Variants in ACACA observed in about 807,000 individuals in gnomAD.
ACACA encodes the protein acetyl-CoA carboxylase 1.
A neutral mutation model predicts 296.1 loss-of-function variants in ACACA; 103 were observed. The observed-to-expected ratio is 0.35, with a 90% CI of 0.30 to 0.41. The LOEUF (loss-of-function observed/expected upper bound fraction) is 0.41, where lower values mean the gene tolerates loss of function less well. Among genes scored for constraint, ACACA ranks in the 10% least tolerant of loss-of-function variants. The probability of loss-of-function intolerance (pLI) is 1.00; values close to 1 mark genes in which losing one functional copy is unlikely to be tolerated. For missense variants in ACACA, 1,554 were observed against 2,989.7 expected (o/e 0.52, Z 11.20); for synonymous variants, 953 against 1,038.6 (o/e 0.92, Z 1.58).
rs1002253420 is a variant in ACACA at position 37,094,578 on chromosome 17, C to G, written c.6891+2418G>C. Among the ~76,000 whole-genome samples, 17 of 147,926 alleles carry G rather than the reference C, an allele frequency of 1.1e-4. 1 individual carries two copies. The highest frequency in any genetic ancestry group is 4.0e-4 in the East Asian group (2 of 4,952). On this transcript the variant is annotated intron_variant, in intron 54 of 55. Coordinates refer to ENST00000616317, the MANE Select transcript of ACACA (RefSeq NM_198834.3). ...TATCATTCTTTGAAGAACCACCCCCCCCCCCCCACACCAAACAGCAAGCAG... is the reference window on the plus strand; with the variant it reads ...TATCATTCTTTGAAGAACCACCCCCGCCCCCCCACACCAAACAGCAAGCAG...
intron 2 of ACACA, among the ~76,000 whole-genome samples, chr17:37,336,633 C>A (rs1391553912): frequency 1.3e-5 from 2 of 152,112 alleles, no homozygotes; most frequent in Non-Finnish European, 2.9e-5. Context: ...TGGGTCCCCT[C>A]CCTTTGTATG....
chr17:37,232,653 C>T (rs984493654), intron 25 of ACACA, among the ~76,000 whole-genome samples: 1 of 152,170 alleles, frequency 6.6e-6, no homozygotes, highest in Non-Finnish European at 1.5e-5. Flanking sequence ...TGAGCTTGAT[C>T]ATATCATTAA....
chr17:37,341,642 A>G (rs532265555), intron 1 of ACACA, among the ~76,000 whole-genome samples: 1 of 151,134 alleles, frequency 6.6e-6, no homozygotes, highest in East Asian at 1.9e-4. Flanking sequence ...GTGAGCCAAG[A>G]TCACCCCACT....
rs1227394597 is a variant in ACACA, at chr17:37,379,121, G to T, written c.38+27141C>A. On this transcript the variant is annotated intron_variant, in intron 1 of 55. Coordinates refer to ENST00000616317, the MANE Select transcript of ACACA (RefSeq NM_198834.3). ...AAAACCAGCTCCATTTTTCTATCTG[G>T]TTCTTCTCCTTCCAGAAACTCACAC... is the stretch of plus-strand genomic sequence containing the variant. 5 of 1,607,242 alleles carry T rather than the reference G, an allele frequency of 3.1e-6. No individual in the cohort carries two copies. In the African/African-American group the frequency reaches 5.4e-5, roughly 17 times the overall value.
intron 1 of ACACA, among the ~76,000 whole-genome samples, chr17:37,380,477 C>T (rs8066442): frequency 0.033 from 4,958 of 152,140 alleles, 256 homozygotes; most frequent in African/African-American, 0.11. Context: ...GGCAAATCTA[C>T]GTGCTCTCTG....
chr17:37,384,811 G>A (rs1160527058), intron 1 of ACACA, among the ~76,000 whole-genome samples: 2 of 152,280 alleles, frequency 1.3e-5, no homozygotes, highest in Non-Finnish European at 2.9e-5. Flanking sequence ...CATGTACAGT[G>A]CCTGGTACTA....
intron 11 of ACACA, among the ~76,000 whole-genome samples, chr17:37,263,105 T>A (rs761183706): frequency 6.6e-6 from 1 of 152,152 alleles, no homozygotes. Flanking sequence ...ACATAGGAAA[T>A]AGACCTCTAA....
At chr17:37,342,978 T>C (rs988520399) in intron 1 of ACACA, among the ~76,000 whole-genome samples, 6 of 151,402 alleles carry the variant, frequency 4.0e-5, no homozygotes, top group Admixed American at 2.6e-4. Context: ...ATTCAGAAAT[T>C]TTTTTTTTCT....
rs55820028 is a variant in ACACA at position 37,123,309 on chromosome 17, A to G, written c.6042-682T>C. On this transcript the variant is annotated intron_variant, in intron 48 of 55. Coordinates refer to ENST00000616317, the MANE Select transcript of ACACA (RefSeq NM_198834.3). ...TTTAGTAGTAATGCTGGTGAAGTCTATATTAGAATTATATATTTAATCTCA... is the reference window on the plus strand; with the variant it reads ...TTTAGTAGTAATGCTGGTGAAGTCTGTATTAGAATTATATATTTAATCTCA... Among the ~76,000 whole-genome samples the G allele has an allele frequency of 1.1e-3, 171 of 152,334 alleles. 1 individual carries two copies. The highest frequency in any genetic ancestry group is 4.0e-3 in the African/African-American group (168 of 41,580).
chr17:37,101,744 G>A (rs1222126288), intron 52 of ACACA, among the ~76,000 whole-genome samples: 1 of 152,202 alleles, frequency 6.6e-6, no homozygotes, highest in Non-Finnish European at 1.5e-5. Flanking sequence ...GTCTCCAATA[G>A]TTCCCATTCA....
intron 29 of ACACA, among the ~76,000 whole-genome samples, chr17:37,211,181 AAATT>A (rs1373188655): frequency 1.3e-5 from 2 of 152,252 alleles, no homozygotes; most frequent in Non-Finnish European, 2.9e-5. Context: ...TAAGTTGTTA[AAATT>A]AATTAATACT....
chr17:37,158,649 A>G (rs2076346719), intron 42 of ACACA, among the ~76,000 whole-genome samples: 1 of 152,096 alleles, frequency 6.6e-6, no homozygotes. Context: ...AAACAAAACA[A>G]AAAAACAGGA....
chr17:37,192,022 T>G, intron 37 of ACACA, 68 bp downstream of exon 37: 2 of 1,495,322 alleles, frequency 1.3e-6, no homozygotes, highest in East Asian at 4.5e-5. Context: ...TAATACCTAA[T>G]TTTGAATCAT....
intron 41 of ACACA, among the ~76,000 whole-genome samples, chr17:37,171,038 A>G (rs1195893569): frequency 2.0e-5 from 3 of 152,180 alleles, no homozygotes; most frequent in Non-Finnish European, 4.4e-5. Flanking sequence ...ACATCTCCAC[A>G]CTTTGACTTG....
chr17:37,174,813 A>T (rs4795177), intron 41 of ACACA, among the ~76,000 whole-genome samples: 1 of 151,388 alleles, frequency 6.6e-6, no homozygotes, highest in Admixed American at 6.6e-5. Flanking sequence ...TTACAGGTAT[A>T]AGCCACCACG....
At chr17:37,175,347 C>T (rs1341219586) in intron 41 of ACACA, among the ~76,000 whole-genome samples, 4 of 152,146 alleles carry the variant, frequency 2.6e-5, no homozygotes, top group Admixed American at 1.3e-4. Flanking sequence ...GGATTTAGTG[C>T]GAAAAGCAGC....
intron 1 of ACACA, among the ~76,000 whole-genome samples, chr17:37,382,388 T>C (rs1165029550): frequency 1.3e-5 from 2 of 151,866 alleles, no homozygotes; most frequent in Non-Finnish European, 2.9e-5. Context: ...AGCCGGTTCC[T>C]CTTTATAAAC....
In ACACA at chr17:37,103,928, G is replaced by A. The variant is rs1438059298; in HGVS notation, c.6566-5944C>T. 2.0e-5 allele frequency among the ~76,000 whole-genome samples: 3 copies of A among 152,174 alleles called. No individual in the cohort carries two copies. The East Asian group carries it at 5.8e-4, about 29-fold the overall frequency. On this transcript the variant is annotated intron_variant, in intron 52 of 55. Coordinates refer to ENST00000616317, the MANE Select transcript of ACACA (RefSeq NM_198834.3). ...ATGGTGAAGCGTGCCTGTAGTCCCA[G>A]AGATACTCTGGTGGCTGAGGCAGGA...
chr17:37,297,586 A>C (rs2083415426), intron 3 of ACACA, among the ~76,000 whole-genome samples: 1 of 151,530 alleles, frequency 6.6e-6, no homozygotes, highest in Admixed American at 6.6e-5. Flanking sequence ...CTTGTCACCC[A>C]GACTGGAGTG....
Sources: gnomAD v4.1 joint callset for allele counts (sites outside exome capture counted in the v4.1 genomes callset) on GRCh38, gnomAD v4.1.1 for gene constraint, MANE v1.5 for transcripts, NCBI Gene and HGNC (gene_info 2026-07-23, HGNC 2026-07-21) for gene names.